Variants in DNAH10 observed in about 807,000 individuals in gnomAD.
The protein encoded by DNAH10 is dynein axonemal heavy chain 10, also known as axonemal beta dynein heavy chain 10.
A neutral mutation model predicts 506.6 loss-of-function variants in DNAH10; 348 were observed. The ratio of observed to expected loss-of-function variants is 0.69; its 90% CI spans 0.63 to 0.75. The LOEUF (loss-of-function observed/expected upper bound fraction) is 0.75. DNAH10 is among the 30% of genes least tolerant of loss of function. The pLI is 0.00. For synonymous variants in DNAH10, 2,059 were observed against 2,198.6 expected (o/e 0.94, Z 1.78); for missense variants, 5,179 against 5,787.1 (o/e 0.89, Z 3.41).
chr12:123,901,841 A>G (rs1045633828), intron 56 of DNAH10, among the ~76,000 whole-genome samples: 2 of 152,064 alleles, frequency 1.3e-5, no homozygotes, highest in African/African-American at 4.8e-5. Flanking sequence ...TTGTATTTTT[A>G]GTAGAGACGG....
chr12:123,780,155 C>T (rs1426956867), intron 5 of DNAH10, among the ~76,000 whole-genome samples: 4 of 134,376 alleles, frequency 3.0e-5, no homozygotes, highest in South Asian at 2.8e-4. Flanking sequence ...TCCTTTCTCT[C>T]TCTCTCTCTC....
intron 18 of DNAH10, among the ~76,000 whole-genome samples, chr12:123,805,977 C>T (rs562643196): frequency 9.2e-5 from 14 of 152,210 alleles, no homozygotes; most frequent in Admixed American, 2.0e-4. Context: ...GGGGTTTCAC[C>T]GTGTTAGCCA....
chr12:123,764,648 A>G (rs1183499524), intron 1 of DNAH10, among the ~76,000 whole-genome samples: 1 of 152,212 alleles, frequency 6.6e-6, no homozygotes, highest in African/African-American at 2.4e-5. Flanking sequence ...AGCAGAGTTC[A>G]GTCTCACCTC....
At chr12:123,842,540 C>T (rs1218186301) in intron 30 of DNAH10, among the ~76,000 whole-genome samples, 2 of 152,206 alleles carry the variant, frequency 1.3e-5, no homozygotes, top group African/African-American at 4.8e-5. Context: ...ATTTTGTACA[C>T]TGCCTTTTTG....
chr12:123,874,714 A>T (rs1952180610), intron 46 of DNAH10, among the ~76,000 whole-genome samples: 1 of 152,198 alleles, frequency 6.6e-6, no homozygotes, highest in African/African-American at 2.4e-5. Flanking sequence ...ATGTTAAATG[A>T]AGAAAGGACA....
intron 67 of DNAH10, 83 bp downstream of exon 67, chr12:123,924,515 G>A (rs1954854991): frequency 1.3e-6 from 2 of 1,522,294 alleles, no homozygotes; most frequent in Admixed American, 1.9e-5. Context: ...AACCCCTTAA[G>A]AGAAGACACT....
intron 26 of DNAH10, among the ~76,000 whole-genome samples, chr12:123,831,877 C>T (rs1960593143): frequency 6.6e-6 from 1 of 151,066 alleles, no homozygotes; most frequent in Admixed American, 6.6e-5. Flanking sequence ...TGCACTCCAG[C>T]CTGGGTGACA....
intron 24 of DNAH10, among the ~76,000 whole-genome samples, chr12:123,824,403 A>G (rs1959746746): frequency 6.6e-6 from 1 of 152,016 alleles, no homozygotes; most frequent in Non-Finnish European, 1.5e-5. Flanking sequence ...ATTTGTCTGG[A>G]GCTCAGAGGA....
At chr12:123,768,324 G>A (rs775282815) in intron 2 of DNAH10, among the ~76,000 whole-genome samples, 4 of 151,980 alleles carry the variant, frequency 2.6e-5, no homozygotes, top group African/African-American at 7.2e-5. Flanking sequence ...CAGTAGAGAC[G>A]GGGTTTCACC....
At position 123,929,472 on chromosome 12, in the gene DNAH10, G is replaced by A. The variant is rs576808366; in HGVS notation, c.12504G>A (p.Glu4168=). The change falls in exon 71 of 79, where the codon GAG becomes GAA. Residue 4168 remains glutamate, a synonymous_variant. Transcript: ENST00000673944. ...GGAACGTGTACTATGACTTCAATGA[G>A]TCTGACTTCCAGGTGACAGTGGCTG... ...IGWNVYYDFN[E]SDFQVCMEIL... is the part of the protein sequence containing the mutation. The A allele has an allele frequency of 4.3e-6, 7 of 1,613,200 alleles. No individual in the cohort carries two copies. The highest frequency in any genetic ancestry group is 3.3e-5 in the Admixed American group (2 of 59,936).
chr12:123,864,449 C>T (rs2136904372), intron 39 of DNAH10, 146 bp from the exon 40 acceptor site: 1 of 1,122,676 alleles, frequency 8.9e-7, no homozygotes, highest in Non-Finnish European at 1.2e-6. Flanking sequence ...TCAGTCAAAC[C>T]TCTGGGCCAA....
In DNAH10 at chr12:123,853,462, C is replaced by CT. The variant is rs537313104; in HGVS notation, c.6438+112dup. ...ATGGTATCACCTGAAAGGTTTAAGT[C>CT]TTAGCTGCCTCTTCACCCCGCGGTC... On this transcript the variant is annotated intron_variant, in intron 36 of 78. Transcript: ENST00000673944. This position sits in a 1 kb window ranked among gnomAD's most constrained non-coding sequence, Gnocchi z 4.7. 23 of 1,353,144 alleles carry CT rather than the reference C, an allele frequency of 1.7e-5. No homozygotes were observed. The South Asian group carries it at 3.6e-4, about 21-fold the overall frequency. The allele number at this position is 1,353,144 out of a possible 1,614,324, so 83.8% of individuals were successfully genotyped here. A position where few individuals can be genotyped will look rare whatever the true frequency, so the allele number is the denominator to read the frequency against.
In DNAH10 at chr12:123,803,808, G is replaced by T. The variant is rs1958559460; in HGVS notation, c.2762G>T (p.Ser921Ile). 13 of 1,611,300 alleles carry T rather than the reference G, an allele frequency of 8.1e-6. No homozygotes were observed. The highest frequency in any genetic ancestry group is 1.1e-5 in the Non-Finnish European group (13 of 1,179,484). ...CTCTTTAAATATCCAGCCGCTAAAAGTGAGGAAGAACTCCCAGGTAGATCT... is the reference window on the plus strand; with the variant it reads ...CTCTTTAAATATCCAGCCGCTAAAATTGAGGAAGAACTCCCAGGTAGATCT... Reference protein sequence around the residue: ...INLFKYPAAKSEEELPGVKEF... With the variant: ...INLFKYPAAKIEEELPGVKEF... The change falls in exon 17 of 79, where the codon AGT (serine) becomes ATT (isoleucine). Residue 921 changes from serine (S) to isoleucine (I), a missense_variant. By Grantham distance (142) the Ser-to-Ile change is moderately radical (BLOSUM62 -2). This residue lies in a region of DNAH10 where 4,844 missense variants were observed against 5,430.5 expected (regional missense o/e 0.89). Coordinates refer to ENST00000673944, the MANE Select transcript of DNAH10 (RefSeq NM_001372106.1).
Position 123,933,486 on chromosome 12 carries a change from T to G in DNAH10, c.13452T>G (p.Asp4484Glu). ...AAGTGACCAAGTTCCAGGATGCAGA[T>G]GAAGTGAATGAGCGGGCGGGACAAG... ...FTQVTKFQDA[D>E]EVNERAGQGC... is the part of the protein sequence containing the mutation. The change falls in exon 77 of 79, where the codon GAT becomes GAG. Residue 4484 changes from aspartate (D) to glutamate (E), a missense_variant. By Grantham distance (45) the Asp-to-Glu change is conservative. This residue lies in a region of DNAH10 where 4,844 missense variants were observed against 5,430.5 expected (regional missense o/e 0.89). Transcript: ENST00000673944. The G allele has an allele frequency of 3.1e-6, 5 of 1,607,894 alleles. No individual in the cohort carries two copies. Among genetic ancestry groups the G allele is most frequent in the Non-Finnish European group, 4.2e-6 (5 of 1,176,500 alleles).
Position 123,799,230 on chromosome 12 carries a change from T to C in DNAH10, c.2164-16T>C, listed in dbSNP as rs568063508. On this transcript the variant is annotated splice_polypyrimidine_tract_variant and intron_variant, in intron 13 of 78. Transcript: ENST00000673944. ...TTTTCAAGGACAAAATGACGGTTGC[T>C]TGAATTCTTTGATAGGTCAAACAAA... 6 of 1,597,260 alleles carry C rather than the reference T, an allele frequency of 3.8e-6. No homozygotes were observed. The highest frequency in any genetic ancestry group is 5.1e-6 in the Non-Finnish European group (6 of 1,169,192).
chr12:123,776,628 T>A (rs1197121598), intron 5 of DNAH10, among the ~76,000 whole-genome samples: 30 of 146,944 alleles, frequency 2.0e-4, no homozygotes, highest in African/African-American at 7.6e-4. Context: ...AGAGAGATAT[T>A]CCATCTCTAA....
Position 123,787,776 on chromosome 12 carries a change from C to T in DNAH10, c.1422-28C>T. ...CTCGGACCCGGAGCTCCGCCCTCCTCCCATCACGGCATCTCTTGGCTTCGC... is the reference window on the plus strand; with the variant it reads ...CTCGGACCCGGAGCTCCGCCCTCCTTCCATCACGGCATCTCTTGGCTTCGC... On this transcript the variant is annotated intron_variant, in intron 9 of 78. Coordinates refer to ENST00000673944, the MANE Select transcript of DNAH10 (RefSeq NM_001372106.1). The surrounding 1 kb of genome is among the most constrained non-coding windows in gnomAD (Gnocchi z 4.6). 6.2e-7 allele frequency: 1 copy of T among 1,605,392 alleles called. No homozygotes were observed. The highest frequency in any genetic ancestry group is 8.5e-7 in the Non-Finnish European group (1 of 1,176,468).
At chr12:123,784,228 T>A (rs753490955) in intron 8 of DNAH10, 51 bp downstream of exon 8, 3 of 1,544,960 alleles carry the variant, frequency 1.9e-6, no homozygotes, top group Non-Finnish European at 1.8e-6. Context: ...AGAGATTTCA[T>A]ATGATTTAAT....
chr12:123,853,190 A>G lies in DNAH10; in HGVS notation c.6292-16A>G. 3 of 1,560,316 alleles carry G rather than the reference A, an allele frequency of 1.9e-6. No homozygotes were observed. The highest frequency in any genetic ancestry group is 1.7e-6 in the Non-Finnish European group (2 of 1,152,960). ...CTTTTTTCTTTTTTTTTGTATTATT[A>G]TCTTCTATCAAAAAGACTCTGGCGA... On this transcript the variant is annotated splice_polypyrimidine_tract_variant and intron_variant, in intron 35 of 78. Transcript: ENST00000673944. This position sits in a 1 kb window ranked among gnomAD's most constrained non-coding sequence, Gnocchi z 4.7.
Sources: gnomAD v4.1 joint callset for allele counts (sites outside exome capture counted in the v4.1 genomes callset) on GRCh38, gnomAD v4.1.1 for gene constraint, gnomAD v4.1.1 regional missense constraint, Gnocchi (gnomAD v3.1) non-coding constraint, MANE v1.5 for transcripts, NCBI Gene and HGNC (gene_info 2026-07-23, HGNC 2026-07-21) for gene names.